METTL1: variants seen among roughly 807,000 people sequenced by gnomAD.
The protein encoded by METTL1 is methyltransferase 1, tRNA methylguanosine, also known as tRNA (guanine-N(7)-)-methyltransferase.
Under a neutral mutation model 27.7 loss-of-function variants are expected in METTL1, and 14 were observed. The ratio of observed to expected loss-of-function variants is 0.51; its 90% CI spans 0.33 to 0.79. The LOEUF (loss-of-function observed/expected upper bound fraction) is 0.79. METTL1 is among the 30% of genes least tolerant of loss of function. The pLI, the probability that METTL1 is intolerant of heterozygous loss-of-function variation, is 0.02. For missense variants in METTL1, 333 were observed against 359.6 expected, an observed-to-expected ratio of 0.93 and a Z score of 0.60; for synonymous variants, 138 against 137.0, an observed-to-expected ratio of 1.01 and a Z score of -0.05.
rs752444478 is a variant in METTL1, at chr12:57,771,261, T to A, written c.111-4A>T. 4 of 1,612,890 alleles carry A rather than the reference T, an allele frequency of 2.5e-6. No homozygotes were observed. The South Asian group carries it at 4.4e-5, about 18-fold the overall frequency. The stretch of plus-strand genomic sequence containing the variant: ...CATCTCCTCTGGCTTCACAGGGCTA[T>A]TGGAAAGAAGACATAAGAAGCATGA... On this transcript the variant is annotated splice_polypyrimidine_tract_variant and splice_region_variant and intron_variant, in intron 1 of 5. Coordinates refer to ENST00000324871, the MANE Select transcript of METTL1 (RefSeq NM_005371.6).
At chr12:57,769,539 C>G in intron 4 of METTL1, 26 bp downstream of exon 4, 1 of 1,561,130 alleles carries the variant, frequency 6.4e-7, no homozygotes, top group African/African-American at 1.4e-5. Context: ...GCCACTCACC[C>G]CATCATCCCT....
chr12:57,769,965 A>G lies in METTL1; in HGVS notation c.275-9T>C. ...CAGCGGTGACAGTTCCACTGCACAC[A>G]GAAATAGCAATGGAATCATCAACCA... On this transcript the variant is annotated splice_polypyrimidine_tract_variant and intron_variant, in intron 2 of 5. Transcript: ENST00000324871. The G allele has an allele frequency of 6.3e-7, 1 of 1,593,234 alleles. No homozygotes were observed. The highest frequency in any genetic ancestry group is 8.6e-7 in the Non-Finnish European group (1 of 1,166,950).
intron 2 of METTL1, chr12:57,770,807 G>A: frequency 3.1e-6 from 1 of 322,236 alleles, no homozygotes; most frequent in Non-Finnish European, 5.9e-6. Flanking sequence ...TCTGATGCTT[G>A]TGCTGACCAG....
chr12:57,771,413 A>T (rs950334600), intron 1 of METTL1, 156 bp from the exon 2 acceptor site: 1 of 1,458,894 alleles, frequency 6.9e-7, no homozygotes, highest in Non-Finnish European at 9.0e-7. Context: ...TCTAAGAGGG[A>T]CAATGGAAAC....
At chr12:57,771,424 C>T (rs1460590401) in intron 1 of METTL1, 167 bp from the exon 2 acceptor site, 20 of 1,455,798 alleles carry the variant, frequency 1.4e-5, no homozygotes, top group Non-Finnish European at 1.8e-5. Flanking sequence ...CAATGGAAAC[C>T]ACCCTTAACT....
intron 2 of METTL1, among the ~76,000 whole-genome samples, chr12:57,770,365 T>G (rs902087590): frequency 6.6e-6 from 1 of 152,132 alleles, no homozygotes; most frequent in Non-Finnish European, 1.5e-5. Flanking sequence ...CAGGCTGGAG[T>G]GCAGTGGCAC....
At position 57,768,664 on chromosome 12, in the gene METTL1, T is replaced by C. The variant is rs993515005; in HGVS notation, c.*332A>G. On this transcript the variant is annotated 3_prime_UTR_variant, in exon 6 of 6. Coordinates refer to ENST00000324871, the MANE Select transcript of METTL1 (RefSeq NM_005371.6). ...AGCCTAGCAAGCAGTTTAGATGGAC[T>C]ACATTCCTCATTCCAGCTGAGGAGA... 1 of 285,372 alleles carries C rather than the reference T, an allele frequency of 3.5e-6. No homozygotes were observed. Among genetic ancestry groups the C allele is most frequent in the Non-Finnish European group, 6.6e-6 (1 of 150,916 alleles). The allele number at this position is 285,372 out of a possible 1,614,324, so 17.7% of individuals were successfully genotyped here. A position where few individuals can be genotyped will look rare whatever the true frequency, so the allele number is the denominator to read the frequency against.
rs758288149 is a variant in METTL1, at chr12:57,769,887, TA to T, written c.343del (p.Tyr115MetfsTer28). ...GLEIRVKVSD[Y>X]VQDRIRALRA... The stretch of plus-strand genomic sequence containing the variant: ...TAGGGCCCGAATCCGGTCTTGTACA[TA>T]GTCTGAGACCTTCACCCGGATCTCC... On this transcript the variant is annotated frameshift_variant, in exon 3 of 6. Coordinates refer to ENST00000324871, the MANE Select transcript of METTL1 (RefSeq NM_005371.6). LOFTEE classifies it high-confidence loss of function. The T allele has an allele frequency of 6.2e-7, 1 of 1,613,996 alleles. No homozygotes were observed. Among genetic ancestry groups the T allele is most frequent in the Non-Finnish European group, 8.5e-7 (1 of 1,179,944 alleles).
chr12:57,770,933 G>A (rs1478631360), intron 2 of METTL1, 161 bp downstream of exon 2: 13 of 749,512 alleles, frequency 1.7e-5, no homozygotes, highest in Non-Finnish European at 2.5e-5. Context: ...CAGGGCAAAG[G>A]TCACAGACCC....
intron 2 of METTL1, among the ~76,000 whole-genome samples, chr12:57,770,447 G>A (rs1413261424): frequency 1.3e-5 from 2 of 152,160 alleles, no homozygotes; most frequent in East Asian, 1.9e-4. Context: ...TGAGTAGCTG[G>A]TCTTGAACTC....
Position 57,769,835 on chromosome 12 carries a change from C to G in METTL1, c.396G>C (p.Gln132His). 6.2e-7 allele frequency: 1 copy of G among 1,614,200 alleles called. No homozygotes were observed. The highest frequency in any genetic ancestry group is 8.5e-7 in the Non-Finnish European group (1 of 1,180,042). Residue 132 changes from glutamine to histidine, a missense_variant, in exon 3 of 6, where the codon CAG (glutamine) becomes CAC (histidine). Transcript: ENST00000324871. Reference protein sequence around the residue: ...ALRAAPAGGFQNIACLRSNAM... With the variant: ...ALRAAPAGGFHNIACLRSNAM... ...CATTGCTACGGAGACAGGCGATGTT[C>G]TGGAAGCCACCTGCAGGAGCTGCGC...
rs1955395283 is a variant in METTL1 at position 57,769,103 on chromosome 12, T to C, written c.724A>G (p.Lys242Glu). 1 of 1,610,704 alleles carries C rather than the reference T, an allele frequency of 6.2e-7. No homozygotes were observed. Among genetic ancestry groups the C allele is most frequent in the Non-Finnish European group, 8.5e-7 (1 of 1,177,126 alleles). ...GHLGTSTEEG[K>E]KVLRNGGKNF... ...TTCCCTCCATTACGTAGAACTTTCTTCCCCTCCTCAGTTGAGGTGCCTAGA... is the reference window on the plus strand; with the variant it reads ...TTCCCTCCATTACGTAGAACTTTCTCCCCCTCCTCAGTTGAGGTGCCTAGA... Residue 242 changes from lysine to glutamate, a missense_variant, in exon 6 of 6, where the codon AAG (lysine) becomes GAG (glutamate). By Grantham distance (56) the Lys-to-Glu change is moderately conservative. Coordinates refer to ENST00000324871, the MANE Select transcript of METTL1 (RefSeq NM_005371.6).
chr12:57,771,609 CG>C, intron 1 of METTL1: 2 of 1,535,046 alleles, frequency 1.3e-6, no homozygotes, highest in Non-Finnish European at 1.7e-6. Context: ...TTGTGCTCTG[CG>C]GGGAGGGAAG....
At position 57,771,620 on chromosome 12, in the gene METTL1, G is replaced by A. The variant is rs1029428749; in HGVS notation, c.110+354C>T. 5.2e-6 allele frequency: 8 copies of A among 1,535,156 alleles called. No homozygotes were observed. In the African/African-American group the frequency reaches 9.6e-5, roughly 18 times the overall value. ...GTGTTTGTGCTCTGCGGGGAGGGAAGGTAAGGTAAGGTGCGGGCAGGATTG... is the reference window on the plus strand; with the variant it reads ...GTGTTTGTGCTCTGCGGGGAGGGAAAGTAAGGTAAGGTGCGGGCAGGATTG... On this transcript the variant is annotated intron_variant, in intron 1 of 5. Coordinates refer to ENST00000324871, the MANE Select transcript of METTL1 (RefSeq NM_005371.6).
chr12:57,768,923 T>C lies in METTL1; in HGVS notation c.*73A>G, dbSNP rs753206974. The C allele has an allele frequency of 1.2e-5, 19 of 1,540,970 alleles. No homozygotes were observed. The highest frequency in any genetic ancestry group is 1.1e-4 in the East Asian group (5 of 43,860). ...GTGTCTCAGCTCCAGCAGTCTCAAC[T>C]GGGAAGACCCAGGACTCCTGCTCTT... On this transcript the variant is annotated 3_prime_UTR_variant, in exon 6 of 6. Coordinates refer to ENST00000324871, the MANE Select transcript of METTL1 (RefSeq NM_005371.6).
In METTL1 at chr12:57,769,853, A is replaced by C. The variant is rs765578702; in HGVS notation, c.378T>G (p.Ala126=). The C allele has an allele frequency of 4.3e-6, 7 of 1,614,034 alleles. No homozygotes were observed. The highest frequency in any genetic ancestry group is 2.2e-5 in the East Asian group (1 of 44,902). ...CGATGTTCTGGAAGCCACCTGCAGG[A>C]GCTGCGCGTAGGGCCCGAATCCGGT... ...VQDRIRALRA[A]PAGGFQNIAC... Residue 126 remains alanine, a synonymous_variant, in exon 3 of 6, where the codon GCT becomes GCG. Transcript: ENST00000324871.
At chr12:57,770,195 T>G (rs1955413172) in intron 2 of METTL1, among the ~76,000 whole-genome samples, 1 of 152,264 alleles carries the variant, frequency 6.6e-6, no homozygotes, top group South Asian at 2.1e-4. Context: ...TTTAGAGTTT[T>G]CCACAGTGTT....
chr12:57,769,267 G>A, intron 5 of METTL1, 36 bp downstream of exon 5: 1 of 1,612,662 alleles, frequency 6.2e-7, no homozygotes. Context: ...AACCACTCTG[G>A]AAAGGGCCTC....
Position 57,768,798 on chromosome 12 carries a change from C to T in METTL1, c.*198G>A. On this transcript the variant is annotated 3_prime_UTR_variant, in exon 6 of 6. Transcript: ENST00000324871. ...CCATCTCAGTCAGCTGCTTTGTTTT[C>T]TGTTGGCAGTGGAGGGACAAGGTGA... 1.8e-6 allele frequency: 1 copy of T among 544,992 alleles called. No individual in the cohort carries two copies. The highest frequency in any genetic ancestry group is 3.1e-6 in the Non-Finnish European group (1 of 318,382). 33.8% of individuals were successfully genotyped at this position (544,992 alleles called of 1,614,324 possible). A position where few individuals can be genotyped will look rare whatever the true frequency, so the allele number is the denominator to read the frequency against.
Sources: gnomAD v4.1 joint callset for allele counts (sites outside exome capture counted in the v4.1 genomes callset) on GRCh38, gnomAD v4.1.1 for gene constraint, MANE v1.5 for transcripts, NCBI Gene and HGNC (gene_info 2026-07-23, HGNC 2026-07-21) for gene names.